The following PPIL4 variants were observed in gnomAD, a reference collection of about 807,000 sequenced individuals.
The protein encoded by PPIL4 is peptidylprolyl isomerase like 4.
In PPIL4, 50 loss-of-function variants were observed where a neutral mutation model predicts 69.1. The ratio of observed to expected loss-of-function variants is 0.72; its 90% confidence interval spans 0.58 to 0.92. PPIL4 has a LOEUF of 0.92. Ranked by LOEUF, PPIL4 falls within the 40% of genes least tolerant of loss-of-function variation. PPIL4 has a pLI of 0.00. For missense variants in PPIL4, 480 were observed against 587.9 expected, an observed-to-expected ratio of 0.82 and a Z score of 1.90; for synonymous variants, 193 against 191.6, an observed-to-expected ratio of 1.01 and a Z score of -0.06.
intron 5 of PPIL4, among the ~76,000 whole-genome samples, chr6:149,535,152 C>A (rs990845292): frequency 6.6e-6 from 1 of 152,130 alleles, no homozygotes; most frequent in Non-Finnish European, 1.5e-5. Flanking sequence ...GTCAGGAGAT[C>A]GTGACCATCC....
chr6:149,532,562 CT>C (rs1344416110), intron 7 of PPIL4, among the ~76,000 whole-genome samples: 3 of 152,160 alleles, frequency 2.0e-5, no homozygotes, highest in Admixed American at 6.5e-5. Flanking sequence ...CTTTCTTGAA[CT>C]ATACAGCCTT....
chr6:149,528,966 C>T (rs764578945), intron 7 of PPIL4, among the ~76,000 whole-genome samples: 9 of 152,178 alleles, frequency 5.9e-5, no homozygotes, highest in Non-Finnish European at 8.8e-5. Context: ...TGGTGGCTCA[C>T]GCCTGTAATC....
At chr6:149,512,339 T>C (rs1249962008) in intron 11 of PPIL4, 37 bp from the exon 12 acceptor site, 4 of 1,516,632 alleles carry the variant, frequency 2.6e-6, no homozygotes, top group Non-Finnish European at 3.6e-6. Flanking sequence ...TGATAAATAA[T>C]ACTGGTAAGA....
intron 12 of PPIL4, among the ~76,000 whole-genome samples, chr6:149,511,560 C>T (rs938078086): frequency 6.6e-6 from 1 of 152,130 alleles, no homozygotes; most frequent in Non-Finnish European, 1.5e-5. Context: ...CAGGCGTGAG[C>T]CACCGTACCC....
intron 3 of PPIL4, 102 bp downstream of exon 3, chr6:149,541,265 T>G: frequency 1.9e-6 from 1 of 529,848 alleles, no homozygotes; most frequent in Non-Finnish European, 3.0e-6. Flanking sequence ...GCAATTATAT[T>G]TTTCCTCATT....
chr6:149,508,933 G>A (rs1042277157), intron 12 of PPIL4, among the ~76,000 whole-genome samples: 3 of 152,028 alleles, frequency 2.0e-5, no homozygotes, highest in Non-Finnish European at 4.4e-5. Flanking sequence ...ATGAACTATA[G>A]CTGAAATTTG....
intron 9 of PPIL4, among the ~76,000 whole-genome samples, chr6:149,521,598 G>A (rs1777030855): frequency 6.6e-6 from 1 of 152,158 alleles, no homozygotes; most frequent in South Asian, 2.1e-4. Context: ...CAAACCTAAT[G>A]GTAGGTTATG....
chr6:149,541,411 A>G lies in PPIL4; in HGVS notation c.159T>C (p.Thr53=), dbSNP rs576168161. Residue 53 remains threonine, a synonymous_variant, in exon 3 of 13, where the codon ACT becomes ACC. Transcript: ENST00000253329. ...HNVQRDFIIQ[T]GDPTGTGRGG... ...CACGGCCAGTCCCTGTAGGATCGCC[A>G]GTTTGTATGATAAAATCCCTCTGTA... 1 of 1,566,532 alleles carries G rather than the reference A, an allele frequency of 6.4e-7. No homozygotes were observed. The highest frequency in any genetic ancestry group is 1.2e-5 in the South Asian group (1 of 84,210).
At chr6:149,531,363 C>CAAAAA (rs34176914) in intron 7 of PPIL4, among the ~76,000 whole-genome samples, 1 of 65,866 alleles carries the variant, frequency 1.5e-5, no homozygotes, top group Non-Finnish European at 2.9e-5. Flanking sequence ...GATTCTGTCT[C>CAAAAA]AAAAAAAAAA....
At chr6:149,514,765 AGTGTGT>A (rs36117544) in intron 11 of PPIL4, among the ~76,000 whole-genome samples, 4 of 149,352 alleles carry the variant, frequency 2.7e-5, no homozygotes, top group South Asian at 2.1e-4. Flanking sequence ...TTTTGGTTCA[AGTGTGT>A]GTGTGTGTGT....
rs779167577 is a variant in PPIL4 at position 149,541,407 on chromosome 6, C to T, written c.163G>A (p.Asp55Asn). Residue 55 changes from aspartate (D) to asparagine (N), a missense_variant, in exon 3 of 13, where the codon GAT (aspartate) becomes AAT (asparagine). Coordinates refer to ENST00000253329, the MANE Select transcript of PPIL4 (RefSeq NM_139126.4). ...VQRDFIIQTG[D>N]PTGTGRGGES... The stretch of plus-strand genomic sequence containing the variant: ...CCTCCACGGCCAGTCCCTGTAGGAT[C>T]GCCAGTTTGTATGATAAAATCCCTC... The T allele has an allele frequency of 1.9e-6, 3 of 1,562,406 alleles. No individual in the cohort carries two copies. The highest frequency in any genetic ancestry group is 1.7e-6 in the Non-Finnish European group (2 of 1,147,380).
chr6:149,516,251 G>C (rs1449593338), intron 11 of PPIL4, among the ~76,000 whole-genome samples: 1 of 152,086 alleles, frequency 6.6e-6, no homozygotes, highest in Non-Finnish European at 1.5e-5. Context: ...CTTGAATGTT[G>C]ATCTTTTCTG....
chr6:149,510,035 C>T (rs954791475), intron 12 of PPIL4, among the ~76,000 whole-genome samples: 1 of 152,154 alleles, frequency 6.6e-6, no homozygotes, highest in African/African-American at 2.4e-5. Flanking sequence ...GCTGGGATTA[C>T]AAGCATGAGC....
Position 149,511,227 on chromosome 6 carries a change from TA to T in PPIL4, c.1227+927del, listed in dbSNP as rs754909559. On this transcript the variant is annotated intron_variant, in intron 12 of 12. Transcript: ENST00000253329. Reference sequence around the variant, plus strand: ...AAAACAAAAGCAAGGAGCTCTGATGTAAAAAAAAAAAAAAAATTTTTTTTGG... The same window carrying T: ...AAAACAAAAGCAAGGAGCTCTGATGTAAAAAAAAAAAAAAATTTTTTTTGG... Among the ~76,000 whole-genome samples, 1,340 of 141,318 alleles carry T rather than the reference TA, an allele frequency of 9.5e-3. 8 individuals carry two copies. The highest frequency in any genetic ancestry group is 0.018 in the Middle Eastern group (5 of 274). 92.7% of individuals were successfully genotyped at this position (141,318 alleles called of 152,430 possible).
At chr6:149,536,546 T>C (rs1777278962) in intron 4 of PPIL4, among the ~76,000 whole-genome samples, 1 of 152,140 alleles carries the variant, frequency 6.6e-6, no homozygotes, top group African/African-American at 2.4e-5. Flanking sequence ...AAGAAGGTTT[T>C]AGTAATCTAC....
chr6:149,525,470 A>G (rs1173350476), intron 8 of PPIL4, among the ~76,000 whole-genome samples: 1 of 152,264 alleles, frequency 6.6e-6, no homozygotes, highest in African/African-American at 2.4e-5. Flanking sequence ...AAGTAAGAAT[A>G]AAAATATTTA....
chr6:149,511,743 A>G (rs1776846235), intron 12 of PPIL4, among the ~76,000 whole-genome samples: 1 of 152,158 alleles, frequency 6.6e-6, no homozygotes. Context: ...TCTTATATAC[A>G]ATACAGCAGG....
At chr6:149,542,844 C>T (rs1187534475) in intron 1 of PPIL4, among the ~76,000 whole-genome samples, 1 of 151,896 alleles carries the variant, frequency 6.6e-6, no homozygotes, top group Non-Finnish European at 1.5e-5. Flanking sequence ...AGGGGAGGTC[C>T]AAAACACCAA....
intron 12 of PPIL4, among the ~76,000 whole-genome samples, chr6:149,508,066 A>C (rs533560530): frequency 2.0e-5 from 3 of 152,372 alleles, no homozygotes; most frequent in African/African-American, 7.2e-5. Context: ...CTCCAAGTAC[A>C]TGCTAACACA....
Sources: allele counts gnomAD v4.1 joint callset (sites outside exome capture counted in the v4.1 genomes callset), GRCh38; gene constraint gnomAD v4.1.1; transcripts MANE v1.5; gene names NCBI Gene and HGNC (gene_info 2026-07-23, HGNC 2026-07-21).